Variants in PRKCQ observed in about 807,000 individuals in gnomAD.
PRKCQ encodes the protein protein kinase C theta, also known as protein kinase C theta type.
A neutral mutation model predicts 91.2 loss-of-function variants in PRKCQ; 41 were observed. The observed-to-expected ratio is 0.45, with a 90% CI of 0.35 to 0.58. PRKCQ has a LOEUF of 0.58. Among genes scored for constraint, PRKCQ ranks in the 20% least tolerant of loss-of-function variants. The pLI, the probability that PRKCQ is intolerant of heterozygous loss-of-function variation, is 0.00. For synonymous variants in PRKCQ, 307 were observed against 316.9 expected (o/e 0.97, Z 0.33); for missense variants, 673 against 896.5 (o/e 0.75, Z 3.18).
At chr10:6,526,734 G>A (rs1261676909) in intron 1 of PRKCQ, among the ~76,000 whole-genome samples, 1 of 152,196 alleles carries the variant, frequency 6.6e-6, no homozygotes, top group East Asian at 1.9e-4. Flanking sequence ...ACAGGCCATG[G>A]TGAGAACTTG....
At chr10:6,475,905 T>C (rs999255596) in intron 12 of PRKCQ, among the ~76,000 whole-genome samples, 1 of 152,234 alleles carries the variant, frequency 6.6e-6, no homozygotes, top group Non-Finnish European at 1.5e-5. Context: ...CCTTGAGATC[T>C]GAGTCTTGAG....
intron 1 of PRKCQ, among the ~76,000 whole-genome samples, chr10:6,547,288 G>A (rs1433765846): frequency 4.6e-5 from 7 of 151,928 alleles, no homozygotes; most frequent in East Asian, 1.9e-4. Context: ...AATCAATATC[G>A]TGAAAATGGC....
In PRKCQ at chr10:6,467,339, G is replaced by GAGAGAGAGACAGAC. The variant is rs1564324093; in HGVS notation, c.1354-2936_1354-2935insGTCTGTCTCTCTCT. Among the ~76,000 whole-genome samples the GAGAGAGAGACAGAC allele has an allele frequency of 3.9e-4, 43 of 110,650 alleles. 1 individual carries two copies. The highest frequency in any genetic ancestry group is 1.2e-3 in the African/African-American group (36 of 30,268). The allele number at this position is 110,650 out of a possible 152,430, so 72.6% of individuals were successfully genotyped here. A position where few individuals can be genotyped will look rare whatever the true frequency, so the allele number is the denominator to read the frequency against. ...AGAGAGACAGAGAGAGACAGACAGAGAGAGAGAGAGAGAGAGACAGAGAGA... is the reference window on the plus strand; with the variant it reads ...AGAGAGACAGAGAGAGACAGACAGAGAGAGAGAGACAGACAGAGAGAGAGAGAGAGACAGAGAGA... On this transcript the variant is annotated intron_variant, in intron 12 of 17. Coordinates refer to ENST00000263125, the MANE Select transcript of PRKCQ (RefSeq NM_006257.5).
In PRKCQ at chr10:6,486,144, G is replaced by A. The variant is rs774345124; in HGVS notation, c.791C>T (p.Ala264Val). Residue 264 changes from alanine (A) to valine (V), a missense_variant and splice_region_variant, in exon 9 of 18, where the codon GCA becomes GTA. Transcript: ENST00000263125. ...GLARQGLKCD[A>V]CGMNVHHRCQ... is the part of the protein sequence containing the mutation. ...TCTATGATGCACATTCATGCCACAT[G>A]CTGGAAGGAAGAAGGCAGATAGTGA... 1.7e-5 allele frequency: 28 copies of A among 1,613,184 alleles called. No homozygotes were observed. In the Admixed American group the frequency reaches 4.0e-4, roughly 23 times the overall value.
chr10:6,510,135 T>C (rs929637075), intron 3 of PRKCQ, among the ~76,000 whole-genome samples: 56 of 152,244 alleles, frequency 3.7e-4, no homozygotes, highest in Non-Finnish European at 1.6e-4. Context: ...ACAGATGATA[T>C]AAACATTTGA....
downstream of PRKCQ, among the ~76,000 whole-genome samples, chr10:6,426,347 A>C (rs1392449634): frequency 2.0e-5 from 3 of 152,244 alleles, no homozygotes; most frequent in Non-Finnish European, 4.4e-5. Context: ...AGCAGAGATC[A>C]GAACAGAACG....
chr10:6,494,562 T>G (rs1240049792), intron 7 of PRKCQ, among the ~76,000 whole-genome samples: 2 of 152,034 alleles, frequency 1.3e-5, no homozygotes, highest in East Asian at 3.9e-4. Flanking sequence ...GGGCCTCAAT[T>G]TCAACACCTC....
the PRKCQ span, among the ~76,000 whole-genome samples, chr10:6,410,098 C>T: frequency 3.3e-5 from 5 of 152,206 alleles, no homozygotes; most frequent in African/African-American, 4.8e-5. Context: ...AATGTCTCCA[C>T]GCTCTTCCTG....
At chr10:6,466,144 A>G (rs1835643125) in intron 12 of PRKCQ, among the ~76,000 whole-genome samples, 1 of 151,928 alleles carries the variant, frequency 6.6e-6, no homozygotes, top group African/African-American at 2.4e-5. Flanking sequence ...CATTTCCAAC[A>G]GTGCTTGAGT....
At chr10:6,458,714 C>T (rs1001878936) in intron 14 of PRKCQ, among the ~76,000 whole-genome samples, 5 of 152,134 alleles carry the variant, frequency 3.3e-5, no homozygotes, top group Admixed American at 2.0e-4. Context: ...TGACACTTGC[C>T]TTGCTTGTCT....
chr10:6,494,310 T>C (rs1837473569), intron 7 of PRKCQ, among the ~76,000 whole-genome samples: 1 of 152,222 alleles, frequency 6.6e-6, no homozygotes, highest in Non-Finnish European at 1.5e-5. Flanking sequence ...GTTTTGTTTA[T>C]CTGTCTCTCC....
rs1264531077 is a variant in PRKCQ, at chr10:6,465,685, A to G, written c.1354-1281T>C. ...CCGAGGCCGTGGGGCATAGGAGGTA[A>G]TAGTAGAAACATTGTTCTGGTCTGA... is the stretch of plus-strand genomic sequence containing the variant. On this transcript the variant is annotated intron_variant, in intron 12 of 17. Coordinates refer to ENST00000263125, the MANE Select transcript of PRKCQ (RefSeq NM_006257.5). The surrounding 1 kb of genome is among the most constrained non-coding windows in gnomAD (Gnocchi z 4.4). Among the ~76,000 whole-genome samples, 1 of 152,218 alleles carries G rather than the reference A, an allele frequency of 6.6e-6. No homozygotes were observed. The highest frequency in any genetic ancestry group is 2.4e-5 in the African/African-American group (1 of 41,450).
intron 15 of PRKCQ, among the ~76,000 whole-genome samples, chr10:6,456,162 AG>A (rs1834990571): frequency 6.6e-6 from 1 of 152,034 alleles, no homozygotes; most frequent in South Asian, 2.1e-4. Flanking sequence ...TAATGGGGGC[AG>A]GGGTGAGTTT....
chr10:6,502,111 C>T lies in PRKCQ; in HGVS notation c.380-3553G>A, dbSNP rs113854866. Reference sequence around the variant, plus strand: ...ACCACAGTTAAAGGAATTAATGAGACGTGTTTTGACAGTGGCTGTTCTGCA... The same window carrying T: ...ACCACAGTTAAAGGAATTAATGAGATGTGTTTTGACAGTGGCTGTTCTGCA... On this transcript the variant is annotated intron_variant, in intron 4 of 17. Coordinates refer to ENST00000263125, the MANE Select transcript of PRKCQ (RefSeq NM_006257.5). Among the ~76,000 whole-genome samples the T allele has an allele frequency of 1.3e-4, 20 of 152,278 alleles. No individual in the cohort carries two copies. The South Asian group carries it at 2.3e-3, about 17-fold the overall frequency.
intron 16 of PRKCQ, among the ~76,000 whole-genome samples, chr10:6,432,837 G>A (rs1282763968): frequency 6.6e-6 from 1 of 152,056 alleles, no homozygotes; most frequent in Non-Finnish European, 1.5e-5. Flanking sequence ...CTGCCTTCCT[G>A]TCTCTGTCCC....
chr10:6,491,584 A>G (rs1837302435), intron 8 of PRKCQ, 99 bp downstream of exon 8: 1 of 1,490,898 alleles, frequency 6.7e-7, no homozygotes, highest in East Asian at 2.3e-5. Context: ...TGGGTGTGGA[A>G]GTGGTACCCC....
At chr10:6,547,488 C>CG (rs748168625) in intron 1 of PRKCQ, among the ~76,000 whole-genome samples, 6 of 152,098 alleles carry the variant, frequency 3.9e-5, no homozygotes, top group Non-Finnish European at 7.4e-5. Flanking sequence ...AACTATACTA[C>CG]AGGCTACAGT....
At chr10:6,490,425 A>C (rs1035548036) in intron 8 of PRKCQ, among the ~76,000 whole-genome samples, 33 of 152,168 alleles carry the variant, frequency 2.2e-4, no homozygotes, top group Admixed American at 2.0e-3. Flanking sequence ...ATACTTCATC[A>C]TAAGAAAAGG....
At chr10:6,510,925 G>T in intron 3 of PRKCQ, 70 bp downstream of exon 3, 1 of 1,571,994 alleles carries the variant, frequency 6.4e-7, no homozygotes, top group South Asian at 1.1e-5. Flanking sequence ...GATTGACATG[G>T]GAGTTCTGAG....
Sources: gnomAD v4.1 joint callset for allele counts (sites outside exome capture counted in the v4.1 genomes callset) on GRCh38, gnomAD v4.1.1 for gene constraint, Gnocchi (gnomAD v3.1) non-coding constraint, MANE v1.5 for transcripts, NCBI Gene and HGNC (gene_info 2026-07-23, HGNC 2026-07-21) for gene names.